Variants in TICRR observed in about 807,000 individuals in gnomAD.
TICRR encodes treslin.
TICRR carries 132 observed loss-of-function variants against 178.1 expected under a neutral mutation model. The ratio of observed to expected loss-of-function variants is 0.74; its 90% CI spans 0.64 to 0.86. The LOEUF is 0.86. Among genes scored for constraint, TICRR ranks in the 40% least tolerant of loss-of-function variants. The pLI, the probability that TICRR is intolerant of heterozygous loss-of-function variation, is 0.00. For synonymous variants in TICRR, 991 were observed against 900.7 expected (o/e 1.10, Z -1.79); for missense variants, 2,587 against 2,334.3 (o/e 1.11, Z -2.23).
intron 1 of TICRR, among the ~76,000 whole-genome samples, chr15:89,577,956 A>G (rs1317904848): frequency 6.6e-6 from 1 of 151,998 alleles, no homozygotes; most frequent in Non-Finnish European, 1.5e-5. Flanking sequence ...AGGAGGAGGA[A>G]CTCAAAGGTA....
chr15:89,605,730 A>T (rs1963165711), intron 13 of TICRR, among the ~76,000 whole-genome samples: 1 of 152,224 alleles, frequency 6.6e-6, no homozygotes, highest in South Asian at 2.1e-4. Context: ...AGTAAGAATG[A>T]TCACATCTCA....
In TICRR at chr15:89,601,857, A is replaced by G; in HGVS notation, c.2448A>G (p.Gln816=). 6.2e-7 allele frequency: 1 copy of G among 1,614,134 alleles called. No individual in the cohort carries two copies. The highest frequency in any genetic ancestry group is 8.5e-7 in the Non-Finnish European group (1 of 1,180,014). The part of the protein sequence containing the change: ...TDFFSDDSMT[Q]ENKSPLLSVP... ...TTTTCAGTGATGACTCCATGACACAAGAGAACAAATCACCACTTCTTTCTG... is the reference window on the plus strand; with the variant it reads ...TTTTCAGTGATGACTCCATGACACAGGAGAACAAATCACCACTTCTTTCTG... The change falls in exon 12 of 22, where the codon CAA becomes CAG. Residue 816 remains glutamine, a synonymous_variant. Transcript: ENST00000268138.
chr15:89,588,159 G>T (rs1962852980), intron 4 of TICRR, among the ~76,000 whole-genome samples: 1 of 152,172 alleles, frequency 6.6e-6, no homozygotes, highest in Non-Finnish European at 1.5e-5. Flanking sequence ...GTTAGGAAGT[G>T]ACATCATCAG....
At chr15:89,591,935 G>C in intron 4 of TICRR, 112 bp from the exon 5 acceptor site, 2 of 882,752 alleles carry the variant, frequency 2.3e-6, no homozygotes, top group Non-Finnish European at 1.7e-6. Context: ...TGTGCACTTT[G>C]TATGTCCTTT....
chr15:89,613,422 T>C (rs1276789945), intron 15 of TICRR, among the ~76,000 whole-genome samples: 1 of 152,190 alleles, frequency 6.6e-6, no homozygotes, highest in Non-Finnish European at 1.5e-5. Flanking sequence ...TTTATTCTAC[T>C]TGTATTGAGT....
At chr15:89,622,277 C>T (rs1480697281) in intron 19 of TICRR, among the ~76,000 whole-genome samples, 3 of 152,128 alleles carry the variant, frequency 2.0e-5, no homozygotes, top group Middle Eastern at 3.2e-3. Context: ...TGAGCCACTG[C>T]GCCCGGCCTA....
At chr15:89,582,644 C>A in intron 1 of TICRR, 42 bp from the exon 2 acceptor site, 1 of 1,562,136 alleles carries the variant, frequency 6.4e-7, no homozygotes, top group Admixed American at 1.9e-5. Flanking sequence ...TTGTGAATGC[C>A]TAATTTATAG....
chr15:89,619,663 G>T, intron 17 of TICRR, 45 bp from the exon 18 acceptor site: 1 of 1,569,792 alleles, frequency 6.4e-7, no homozygotes, highest in Non-Finnish European at 8.6e-7. Flanking sequence ...AAAATGTCAA[G>T]CTTGTAGTTG....
At chr15:89,591,845 G>C in intron 4 of TICRR, 1 of 426,252 alleles carries the variant, frequency 2.3e-6, no homozygotes, top group Non-Finnish European at 4.2e-6. Flanking sequence ...TTTAAATTGT[G>C]TCTGTATGTT....
rs1363440149 is a variant in TICRR, at chr15:89,576,115, C to G, written c.529C>G (p.Gln177Glu). The G allele has an allele frequency of 2.5e-6, 4 of 1,611,098 alleles. No individual in the cohort carries two copies. The highest frequency in any genetic ancestry group is 3.4e-6 in the Non-Finnish European group (4 of 1,179,992). ...GCAGTTCGTGTCTGGGTGCGAGGCC[C>G]AGGCCCAGCGCCTGCCGCCCACCCC... ...LLQFVSGCEAQAQRLPPTPKQ... is the reference protein window; with the variant it reads ...LLQFVSGCEAEAQRLPPTPKQ... The change falls in exon 1 of 22, where the codon CAG becomes GAG. Residue 177 changes from glutamine (Q) to glutamate (E), a missense_variant. Physicochemically the swap from Gln to Glu is conservative, Grantham distance 29 (BLOSUM62 2). Transcript: ENST00000268138.
At chr15:89,581,831 G>A (rs554196183) in intron 1 of TICRR, among the ~76,000 whole-genome samples, 1 of 152,176 alleles carries the variant, frequency 6.6e-6, no homozygotes, top group Non-Finnish European at 1.5e-5. Context: ...ATGGAGGAAC[G>A]ATTAGAGGCA....
chr15:89,582,443 T>C (rs1962744519), intron 1 of TICRR: 1 of 452,936 alleles, frequency 2.2e-6, no homozygotes, highest in African/African-American at 2.0e-5. Flanking sequence ...ACAAAAAATA[T>C]AAATGAGGTA....
intron 3 of TICRR, among the ~76,000 whole-genome samples, chr15:89,584,929 A>G (rs148676062): frequency 2.2e-3 from 340 of 152,362 alleles, no homozygotes; most frequent in African/African-American, 7.7e-3. Context: ...TTGTGTAACT[A>G]TATACAATGT....
chr15:89,576,140 C>T lies in TICRR; in HGVS notation c.554C>T (p.Pro185Leu), dbSNP rs750164208. Reference protein sequence around the residue: ...EAQAQRLPPTPKQVMEKLLPK... With the variant: ...EAQAQRLPPTLKQVMEKLLPK... ...CAGGCCCAGCGCCTGCCGCCCACCC[C>T]TAAGCAGGTGATGGAGAAGTTGTTG... Residue 185 changes from proline to leucine, a missense_variant, in exon 1 of 22, where the codon CCT becomes CTT. Pro to Leu is a moderately conservative substitution (Grantham distance 98). Coordinates refer to ENST00000268138, the MANE Select transcript of TICRR (RefSeq NM_152259.4). 1.2e-6 allele frequency: 2 copies of T among 1,608,366 alleles called. No homozygotes were observed. The highest frequency in any genetic ancestry group is 1.1e-5 in the South Asian group (1 of 91,084).
chr15:89,602,779 A>G lies in TICRR; in HGVS notation c.2568-17A>G, dbSNP rs1963118070. Reference sequence around the variant, plus strand: ...AACCTCTATCTAGTATGTATTAACTATTTCTATTTTTAAAAGGAAAAATGC... The same window carrying G: ...AACCTCTATCTAGTATGTATTAACTGTTTCTATTTTTAAAAGGAAAAATGC... On this transcript the variant is annotated splice_polypyrimidine_tract_variant and intron_variant, in intron 12 of 21. Coordinates refer to ENST00000268138, the MANE Select transcript of TICRR (RefSeq NM_152259.4). The G allele has an allele frequency of 1.5e-6, 2 of 1,352,116 alleles. No individual in the cohort carries two copies. Among genetic ancestry groups the G allele is most frequent in the South Asian group, 1.8e-5 (1 of 56,512 alleles). The allele number at this position is 1,352,116 out of a possible 1,614,324, so 83.8% of individuals were successfully genotyped here. A position where few individuals can be genotyped will look rare whatever the true frequency, so the allele number is the denominator to read the frequency against.
chr15:89,586,142 GA>G (rs1168923243), intron 4 of TICRR, among the ~76,000 whole-genome samples, 200 bp downstream of exon 4: 1 of 152,178 alleles, frequency 6.6e-6, no homozygotes, highest in Non-Finnish European at 1.5e-5. Context: ...CAGGTTCCAT[GA>G]AACCAGTCTG....
At chr15:89,606,895 A>G in intron 14 of TICRR, 70 bp downstream of exon 14, 2 of 1,368,912 alleles carry the variant, frequency 1.5e-6, no homozygotes, top group Non-Finnish European at 2.1e-6. Flanking sequence ...TATGTATTTA[A>G]GCAGCTGCTT....
chr15:89,625,048 C>T lies in TICRR; in HGVS notation c.4738C>T (p.Pro1580Ser), dbSNP rs771243408. The stretch of plus-strand genomic sequence containing the variant: ...CAAACTTCGAATTAAGAAGATAGAC[C>T]CCAGCTCTTCATTAGAGGCTGAGCC... ...LPKLRIKKIDPSSSLEAEPLS... is the reference protein window; with the variant it reads ...LPKLRIKKIDSSSSLEAEPLS... Residue 1580 changes from proline (P) to serine (S), a missense_variant, in exon 20 of 22, where the codon CCC (proline) becomes TCC (serine). Transcript: ENST00000268138. 3 of 1,613,976 alleles carry T rather than the reference C, an allele frequency of 1.9e-6. No homozygotes were observed. In the East Asian group the frequency reaches 6.7e-5, roughly 36 times the overall value.
rs1418256278 is a variant in TICRR, at chr15:89,606,818, A to G, written c.2715A>G (p.Thr905=). 1 of 1,613,568 alleles carries G rather than the reference A, an allele frequency of 6.2e-7. No individual in the cohort carries two copies. The highest frequency in any genetic ancestry group is 2.2e-5 in the East Asian group (1 of 44,852). ...PQQPSQPVKD[T]VQEVTKVRRN... is the part of the protein sequence containing the mutation. ...AGCCTTCCCAGCCAGTGAAAGATACAGTGCAAGGTATACTGTTTTCTCAGT... is the reference window on the plus strand; with the variant it reads ...AGCCTTCCCAGCCAGTGAAAGATACGGTGCAAGGTATACTGTTTTCTCAGT... Residue 905 remains threonine, a synonymous_variant, in exon 14 of 22, where the codon ACA becomes ACG. Coordinates refer to ENST00000268138, the MANE Select transcript of TICRR (RefSeq NM_152259.4).
Sources: gnomAD v4.1 joint callset for allele counts (sites outside exome capture counted in the v4.1 genomes callset) on GRCh38, gnomAD v4.1.1 for gene constraint, MANE v1.5 for transcripts, NCBI Gene and HGNC (gene_info 2026-07-23, HGNC 2026-07-21) for gene names.